The following PIP5K1B variants were observed in gnomAD, a reference collection of about 807,000 sequenced individuals.
PIP5K1B encodes phosphatidylinositol 4-phosphate 5-kinase type-1 beta.
A neutral mutation model predicts 67.0 loss-of-function variants in PIP5K1B; 42 were observed. The observed-to-expected ratio is 0.63, with a 90% CI of 0.49 to 0.81. PIP5K1B has a LOEUF of 0.81. Among genes scored for constraint, PIP5K1B ranks in the 30% least tolerant of loss-of-function variants. PIP5K1B has a pLI of 0.00. For synonymous variants in PIP5K1B, 214 were observed against 231.4 expected (o/e 0.92, Z 0.68); for missense variants, 459 against 646.3 (o/e 0.71, Z 3.14).
chr9:68,759,538 C>T (rs915944647), intron 2 of PIP5K1B, among the ~76,000 whole-genome samples: 45 of 152,008 alleles, frequency 3.0e-4, no homozygotes, highest in African/African-American at 9.4e-4. Context: ...GAATGAAAAA[C>T]GGAAGAAACA....
chr9:68,954,825 A>G (rs1828302601), intron 14 of PIP5K1B, among the ~76,000 whole-genome samples: 2 of 152,168 alleles, frequency 1.3e-5, no homozygotes, highest in Non-Finnish European at 2.9e-5. Flanking sequence ...CAAATACCCA[A>G]ATTTCACTGG....
intron 2 of PIP5K1B, among the ~76,000 whole-genome samples, chr9:68,764,220 C>T (rs1830324776): frequency 6.6e-6 from 1 of 150,934 alleles, no homozygotes; most frequent in Non-Finnish European, 1.5e-5. Context: ...TTTATCTCAA[C>T]AATAAGTGGT....
intron 5 of PIP5K1B, among the ~76,000 whole-genome samples, chr9:68,869,357 C>T (rs376091188): frequency 5.7e-4 from 86 of 152,182 alleles, no homozygotes; most frequent in African/African-American, 1.8e-3. Flanking sequence ...ATGTAATGCC[C>T]GATGATCTGA....
At chr9:68,837,400 A>G (rs1834670846) in intron 4 of PIP5K1B, among the ~76,000 whole-genome samples, 1 of 152,224 alleles carries the variant, frequency 6.6e-6, no homozygotes. Flanking sequence ...ACAGCTAGAT[A>G]GGTGAAAATG....
intron 2 of PIP5K1B, among the ~76,000 whole-genome samples, chr9:68,794,668 AT>A (rs1177642208): frequency 1.3e-5 from 2 of 150,664 alleles, no homozygotes. Flanking sequence ...ACCCAGAGAC[AT>A]TTTTCTCTTC....
intron 4 of PIP5K1B, among the ~76,000 whole-genome samples, chr9:68,841,401 A>G (rs1224191028): frequency 6.6e-6 from 1 of 152,242 alleles, no homozygotes. Context: ...TGGTGTTTAC[A>G]GAAGCAGATC....
intron 5 of PIP5K1B, among the ~76,000 whole-genome samples, chr9:68,875,417 A>C (rs186763026): frequency 5.9e-5 from 9 of 151,270 alleles, no homozygotes; most frequent in Admixed American, 2.6e-4. Flanking sequence ...GTGACCTGTG[A>C]CTATGCTGAA....
chr9:68,726,500 C>G (rs968890734), intron 1 of PIP5K1B, among the ~76,000 whole-genome samples: 4 of 152,206 alleles, frequency 2.6e-5, no homozygotes, highest in Admixed American at 2.6e-4. Flanking sequence ...GTGGCACAAT[C>G]ATAATCATAC....
chr9:68,786,679 G>A (rs1831637048), intron 2 of PIP5K1B, among the ~76,000 whole-genome samples: 1 of 151,720 alleles, frequency 6.6e-6, no homozygotes, highest in Non-Finnish European at 1.5e-5. Context: ...AGGAAATCAT[G>A]GTTCCACAGC....
chr9:68,783,925 T>C (rs561025569), intron 2 of PIP5K1B: 8 of 78,828 alleles, frequency 1.0e-4, no homozygotes, highest in African/African-American at 4.4e-4. Flanking sequence ...CCAAAATGTA[T>C]TAATTCTGGG....
chr9:68,849,489 T>A (rs1822370490), intron 4 of PIP5K1B, among the ~76,000 whole-genome samples: 2 of 152,142 alleles, frequency 1.3e-5, no homozygotes, highest in Non-Finnish European at 2.9e-5. Context: ...TAAGTAATCC[T>A]CCTGCCTCAG....
intron 6 of PIP5K1B, among the ~76,000 whole-genome samples, chr9:68,884,704 A>G (rs1176280983): frequency 6.6e-6 from 1 of 151,800 alleles, no homozygotes; most frequent in Non-Finnish European, 1.5e-5. Context: ...TGGCCAGTAG[A>G]TACATTAAAA....
At chr9:68,708,033 C>T (rs777151939) in intron 1 of PIP5K1B, 1 of 152,198 alleles carries the variant, frequency 6.6e-6, no homozygotes, top group Non-Finnish European at 1.5e-5. Context: ...AGAGACCTAG[C>T]TAATTACTCT....
rs1832902036 is a variant in PIP5K1B, at chr9:68,806,948, T to G, written c.-85-11513T>G. 2.0e-5 allele frequency among the ~76,000 whole-genome samples: 3 copies of G among 152,126 alleles called. No individual in the cohort carries two copies. The South Asian group carries it at 6.2e-4, about 32-fold the overall frequency. ...ATTATCTCTTTTGGCCTTGGTTTTTTTTTTTTTTTTTGCTTTTTAATTTTT... is the reference window on the plus strand; with the variant it reads ...ATTATCTCTTTTGGCCTTGGTTTTTGTTTTTTTTTTTGCTTTTTAATTTTT... On this transcript the variant is annotated intron_variant, in intron 2 of 15. Transcript: ENST00000265382.
At chr9:68,874,660 G>A (rs1587597878) in intron 5 of PIP5K1B, among the ~76,000 whole-genome samples, 1 of 152,238 alleles carries the variant, frequency 6.6e-6, no homozygotes, top group East Asian at 1.9e-4. Context: ...GCCCAAAACT[G>A]CAACAAAATG....
chr9:68,854,374 C>A (rs1822662445), intron 4 of PIP5K1B, among the ~76,000 whole-genome samples: 1 of 152,042 alleles, frequency 6.6e-6, no homozygotes, highest in Admixed American at 6.6e-5. Flanking sequence ...AGGTGATCCT[C>A]CTGCCCTGGC....
At chr9:68,772,531 C>T (rs528722022) in intron 2 of PIP5K1B, among the ~76,000 whole-genome samples, 7 of 152,298 alleles carry the variant, frequency 4.6e-5, no homozygotes, top group South Asian at 4.1e-4. Flanking sequence ...AAATGGCTTG[C>T]TGCAGGGAAT....
At chr9:68,767,243 A>T (rs1830468405) in intron 2 of PIP5K1B, among the ~76,000 whole-genome samples, 1 of 152,244 alleles carries the variant, frequency 6.6e-6, no homozygotes, top group Admixed American at 6.5e-5. Flanking sequence ...CTGTATGTGC[A>T]CACACTGCAG....
intron 8 of PIP5K1B, among the ~76,000 whole-genome samples, chr9:68,902,269 C>G (rs1211812061): frequency 6.6e-6 from 1 of 152,164 alleles, no homozygotes; most frequent in African/African-American, 2.4e-5. Flanking sequence ...CTACCTCCTT[C>G]CCTCACAACT....
Sources: allele counts gnomAD v4.1 joint callset (sites outside exome capture counted in the v4.1 genomes callset), GRCh38; gene constraint gnomAD v4.1.1; transcripts MANE v1.5; gene names NCBI Gene and HGNC (gene_info 2026-07-23, HGNC 2026-07-21).